Variants in MAOB observed in about 807,000 individuals in gnomAD.
The protein encoded by MAOB is amine oxidase [flavin-containing] B.
A neutral mutation model predicts 41.9 loss-of-function variants in MAOB; 15 were observed. That is an observed-to-expected ratio of 0.36 (90% CI 0.24 to 0.55). The LOEUF is 0.55. MAOB is among the 20% of genes least tolerant of loss of function. The pLI is 0.86. For synonymous variants in MAOB, 167 were observed against 144.2 expected (o/e 1.16, Z -1.13); for missense variants, 345 against 398.7 (o/e 0.87, Z 1.15).
intron 8 of MAOB, among the ~76,000 whole-genome samples, chrX:43,783,388 G>T (rs1287494319): frequency 9.0e-6 from 1 of 111,568 alleles, no homozygotes; most frequent in Non-Finnish European, 1.9e-5. Context: ...GTCTTCCTCA[G>T]TTCCCTCCTG....
intron 1 of MAOB, among the ~76,000 whole-genome samples, chrX:43,848,660 C>A (rs187378545): frequency 8.9e-6 from 1 of 112,123 alleles, no homozygotes; most frequent in East Asian, 2.8e-4. Context: ...TCAAGTGATT[C>A]TCCTGCCTCA....
rs1226701128 is a variant in MAOB at position 43,882,198 on chromosome X, G to T, written c.46+56C>A. On this transcript the variant is annotated intron_variant, in intron 1 of 14. Transcript: ENST00000378069. ...ACGGCCGCCCCCCGCGTCTCCCCCA[G>T]GCAGCCACCTGTCCGAGCGCGTGAA... is the stretch of plus-strand genomic sequence containing the variant. 5.0e-6 allele frequency: 6 copies of T among 1,195,974 alleles called. No homozygotes were observed. The Admixed American group carries it at 1.4e-4, about 27-fold the overall frequency.
At chrX:43,856,011 A>G (rs1353911190) in intron 1 of MAOB, among the ~76,000 whole-genome samples, 10 of 111,781 alleles carry the variant, frequency 8.9e-5, no homozygotes. Context: ...TTTGCCCTTG[A>G]AAAAGCAAAA....
At chrX:43,856,720 A>G (rs1372425223) in intron 1 of MAOB, among the ~76,000 whole-genome samples, 2 of 110,582 alleles carry the variant, frequency 1.8e-5, no homozygotes, top group Non-Finnish European at 3.8e-5. Context: ...AAGCGAAAAT[A>G]TATTTACTAT....
chrX:43,767,400 C>T lies in MAOB; in HGVS notation c.*66G>A. 9.2e-7 allele frequency: 1 copy of T among 1,088,318 alleles called. No homozygotes were observed. The highest frequency in any genetic ancestry group is 1.2e-6 in the Non-Finnish European group (1 of 805,620). The allele number at this position is 1,088,318 out of a possible 1,213,427, so 89.7% of individuals were successfully genotyped here. A position where few individuals can be genotyped will look rare whatever the true frequency, so the allele number is the denominator to read the frequency against. ...TTGTCTTCATGGAACTTTACTGCAACTCTTTCCCCAAACTCATATCCCAAA... is the reference window on the plus strand; with the variant it reads ...TTGTCTTCATGGAACTTTACTGCAATTCTTTCCCCAAACTCATATCCCAAA... On this transcript the variant is annotated 3_prime_UTR_variant, in exon 15 of 15. Coordinates refer to ENST00000378069, the MANE Select transcript of MAOB (RefSeq NM_000898.5).
intron 12 of MAOB, among the ~76,000 whole-genome samples, chrX:43,770,042 C>T (rs1435029966): frequency 9.0e-6 from 1 of 111,269 alleles, no homozygotes; most frequent in East Asian, 2.8e-4. Context: ...TGATGAACCA[C>T]GCAGGCCCCC....
chrX:43,856,480 T>A (rs113098008), intron 1 of MAOB, among the ~76,000 whole-genome samples: 13 of 111,872 alleles, frequency 1.2e-4, no homozygotes, highest in Non-Finnish European at 1.9e-4. Context: ...ATATCTATAG[T>A]TGACGCTTGA....
chrX:43,859,293 G>C (rs1486698506), intron 1 of MAOB, among the ~76,000 whole-genome samples: 1 of 111,426 alleles, frequency 9.0e-6, no homozygotes, highest in Non-Finnish European at 1.9e-5. Flanking sequence ...AATCTGAGCA[G>C]TATCTTTTGC....
chrX:43,776,845 G>C (rs2034265741), intron 11 of MAOB, among the ~76,000 whole-genome samples: 1 of 99,237 alleles, frequency 1.0e-5, no homozygotes, highest in South Asian at 5.0e-4. Flanking sequence ...CCACCTATGA[G>C]TGAGAACATG....
intron 8 of MAOB, among the ~76,000 whole-genome samples, chrX:43,789,634 T>C (rs1332473510): frequency 9.0e-6 from 1 of 111,323 alleles, no homozygotes; most frequent in Non-Finnish European, 1.9e-5. Context: ...TGAGGGCGGC[T>C]AGACTTAGAA....
At chrX:43,805,846 G>A (rs924551530) in intron 3 of MAOB, among the ~76,000 whole-genome samples, 1 of 112,043 alleles carries the variant, frequency 8.9e-6, no homozygotes, top group Non-Finnish European at 1.9e-5. Context: ...AAGTTTAATA[G>A]TGTTCCAAAG....
intron 8 of MAOB, among the ~76,000 whole-genome samples, chrX:43,788,211 C>G (rs769048275): frequency 2.2e-4 from 24 of 110,847 alleles, no homozygotes; most frequent in Non-Finnish European, 3.4e-4. Context: ...TTTTTAACAA[C>G]CAGCTCTCAT....
intron 3 of MAOB, among the ~76,000 whole-genome samples, chrX:43,838,279 C>A (rs930065883): frequency 9.0e-5 from 10 of 111,385 alleles, no homozygotes; most frequent in African/African-American, 3.3e-4. Context: ...ACATAGGTAT[C>A]ATGGAAGCCA....
At chrX:43,879,764 C>T (rs745765058) in intron 1 of MAOB, among the ~76,000 whole-genome samples, 1 of 111,899 alleles carries the variant, frequency 8.9e-6, no homozygotes, top group Non-Finnish European at 1.9e-5. Context: ...ATATACAAGC[C>T]TCCCCATAAT....
chrX:43,769,483 A>G, intron 12 of MAOB, 65 bp from the exon 13 acceptor site: 6 of 1,141,028 alleles, frequency 5.3e-6, no homozygotes, highest in Non-Finnish European at 7.0e-6. Context: ...GTTTTCCCAT[A>G]AAGACCAATG....
In MAOB at chrX:43,843,740, T is replaced by G; in HGVS notation, c.71A>C (p.His24Pro). The part of the protein sequence containing the change: ...ISGMAAAKLL[H>P]DSGLNVVVLE... ...AACAACCACATTCAGTCCAGAGTCA[T>G]GCAGAAGTTTGGCTGCTGCCATACC... Residue 24 changes from histidine to proline, a missense_variant, in exon 2 of 15, where the codon CAT (histidine) becomes CCT (proline). Transcript: ENST00000378069. 8.3e-7 allele frequency: 1 copy of G among 1,210,108 alleles called. No homozygotes were observed. Among genetic ancestry groups the G allele is most frequent in the Non-Finnish European group, 1.1e-6 (1 of 894,733 alleles).
chrX:43,802,084 C>CTACTTGTCCCA, intron 5 of MAOB, 88 bp downstream of exon 5: 1 of 737,761 alleles, frequency 1.4e-6, no homozygotes, highest in Non-Finnish European at 2.1e-6. Flanking sequence ...CACAAAGCAG[C>CTACTTGTCCCA]TACTTGTCCC....
At chrX:43,822,111 A>G (rs2034889637) in intron 3 of MAOB, among the ~76,000 whole-genome samples, 1 of 112,231 alleles carries the variant, frequency 8.9e-6, no homozygotes, top group South Asian at 3.7e-4. Flanking sequence ...TCCATTGAAT[A>G]ACTCATCCAG....
At chrX:43,870,504 G>T (rs1338546150) in intron 1 of MAOB, among the ~76,000 whole-genome samples, 1 of 111,460 alleles carries the variant, frequency 9.0e-6, no homozygotes, top group East Asian at 2.8e-4. Flanking sequence ...CCTTGGTGGA[G>T]GCCATTAAAG....
Sources: gnomAD v4.1 joint callset for allele counts (sites outside exome capture counted in the v4.1 genomes callset) on GRCh38, gnomAD v4.1.1 for gene constraint, MANE v1.5 for transcripts, NCBI Gene and HGNC (gene_info 2026-07-23, HGNC 2026-07-21) for gene names.